The following EPHA6 variants were observed in gnomAD, a reference collection of about 807,000 sequenced individuals.
EPHA6 encodes the protein ephrin type-A receptor 6.
Under a neutral mutation model 112.0 loss-of-function variants are expected in EPHA6, and 50 were observed. The ratio of observed to expected loss-of-function variants is 0.45; its 90% confidence interval spans 0.36 to 0.56. EPHA6 has a LOEUF of 0.56. Among genes scored for constraint, EPHA6 ranks in the 20% least tolerant of loss-of-function variants. EPHA6 has a pLI of 0.00. For missense variants in EPHA6, 1,280 were observed against 1,417.4 expected (o/e 0.90, Z 1.56); for synonymous variants, 529 against 490.7 (o/e 1.08, Z -1.03).
intron 10 of EPHA6, among the ~76,000 whole-genome samples, chr3:97,493,488 G>A (rs1331452206): frequency 6.6e-6 from 1 of 152,092 alleles, no homozygotes; most frequent in African/African-American, 2.4e-5. Context: ...TAAGATCACA[G>A]TCTTTATCAG....
intron 5 of EPHA6, among the ~76,000 whole-genome samples, chr3:97,403,605 C>G (rs1253320745): frequency 6.6e-6 from 1 of 152,172 alleles, no homozygotes; most frequent in Non-Finnish European, 1.5e-5. Context: ...TGCCACCATG[C>G]CTGGCTAATT....
intron 11 of EPHA6, among the ~76,000 whole-genome samples, chr3:97,555,431 T>C (rs1009705461): frequency 9.2e-5 from 14 of 152,098 alleles, no homozygotes; most frequent in African/African-American, 2.9e-4. Flanking sequence ...TTATAGTCCT[T>C]TGGGTATATA....
chr3:97,683,122 A>G (rs892163958), intron 14 of EPHA6, among the ~76,000 whole-genome samples: 15 of 152,156 alleles, frequency 9.9e-5, no homozygotes, highest in Admixed American at 6.6e-4. Flanking sequence ...TCCTTTGAGA[A>G]TAAAAAGAGG....
At chr3:96,892,491 G>GGATT (rs1463791291) in intron 2 of EPHA6, among the ~76,000 whole-genome samples, 1 of 152,080 alleles carries the variant, frequency 6.6e-6, no homozygotes, top group African/African-American at 2.4e-5. Context: ...CAAAGTGCTG[G>GGATT]GATTACAGGC....
intron 5 of EPHA6, among the ~76,000 whole-genome samples, chr3:97,318,551 A>G (rs1278126142): frequency 6.6e-6 from 1 of 151,586 alleles, no homozygotes; most frequent in East Asian, 1.9e-4. Context: ...TCCTATTACC[A>G]CTCTTTTGCT....
intron 3 of EPHA6, among the ~76,000 whole-genome samples, chr3:97,119,841 C>G (rs2108300177): frequency 6.6e-6 from 1 of 152,088 alleles, no homozygotes; most frequent in South Asian, 2.1e-4. Context: ...TACTCTTCCT[C>G]TGCAGAAGCT....
chr3:97,636,237 C>T (rs1005189256), intron 13 of EPHA6, among the ~76,000 whole-genome samples: 1 of 151,958 alleles, frequency 6.6e-6, no homozygotes, highest in Non-Finnish European at 1.5e-5. Context: ...GGTAAAAAAG[C>T]CAACTTTTAA....
At chr3:97,717,337 A>T (rs1356142371) in intron 14 of EPHA6, among the ~76,000 whole-genome samples, 2 of 152,154 alleles carry the variant, frequency 1.3e-5, no homozygotes, top group African/African-American at 4.8e-5. Flanking sequence ...TGAAAAAAAA[A>T]ATTTTATAGT....
rs892717825 is a variant in EPHA6, at chr3:97,756,719, G to A, written c.*8018G>A. 5.3e-5 allele frequency among the ~76,000 whole-genome samples: 8 copies of A among 151,728 alleles called. No homozygotes were observed. Among genetic ancestry groups the A allele is most frequent in the African/African-American group, 1.9e-4 (8 of 41,386 alleles). On this transcript the variant is annotated 3_prime_UTR_variant, in exon 18 of 18. Transcript: ENST00000389672. Reference sequence around the variant, plus strand: ...GTAAAAAAAATCAAAATGTGAAATGGGAGCATTTTGGGGAGCGAGCAGGAC... The same window carrying A: ...GTAAAAAAAATCAAAATGTGAAATGAGAGCATTTTGGGGAGCGAGCAGGAC...
intron 12 of EPHA6, among the ~76,000 whole-genome samples, chr3:97,608,579 A>C (rs1158112852): frequency 6.6e-6 from 1 of 151,356 alleles, no homozygotes; most frequent in Non-Finnish European, 1.5e-5. Flanking sequence ...ACTATGAGAA[A>C]TATCACTGTG....
intron 3 of EPHA6, among the ~76,000 whole-genome samples, chr3:97,173,093 C>CT (rs2076743927): frequency 6.6e-6 from 1 of 151,880 alleles, no homozygotes; most frequent in East Asian, 1.9e-4. Flanking sequence ...ATATATTAAA[C>CT]TTTTTGAGAT....
intron 14 of EPHA6, among the ~76,000 whole-genome samples, chr3:97,676,438 A>G (rs985929359): frequency 6.6e-6 from 1 of 152,196 alleles, no homozygotes; most frequent in African/African-American, 2.4e-5. Context: ...GATTTGGTGA[A>G]GTAATAGAGA....
chr3:97,278,887 G>A (rs2080190963), intron 5 of EPHA6, among the ~76,000 whole-genome samples: 2 of 152,294 alleles, frequency 1.3e-5, no homozygotes, highest in East Asian at 3.9e-4. Context: ...TCTGAGGGCC[G>A]CTGACACACA....
At chr3:97,484,125 A>G in intron 10 of EPHA6, 66 bp downstream of exon 10, 2 of 1,459,606 alleles carry the variant, frequency 1.4e-6, no homozygotes, top group Non-Finnish European at 1.8e-6. Flanking sequence ...GTTTATCAAC[A>G]TACTATCTTA....
intron 6 of EPHA6, among the ~76,000 whole-genome samples, chr3:97,406,188 C>A (rs992847037): frequency 4.6e-5 from 7 of 152,026 alleles, no homozygotes; most frequent in Non-Finnish European, 1.0e-4. Context: ...AAATAGAGGG[C>A]AAGAGGAGAA....
intron 2 of EPHA6, among the ~76,000 whole-genome samples, chr3:96,979,794 A>C (rs1260031815): frequency 6.6e-6 from 1 of 152,136 alleles, no homozygotes; most frequent in Non-Finnish European, 1.5e-5. Flanking sequence ...CATTTCTCTG[A>C]TGGCCAGTGA....
At chr3:97,191,760 G>A (rs1272685795) in intron 3 of EPHA6, among the ~76,000 whole-genome samples, 1 of 152,114 alleles carries the variant, frequency 6.6e-6, no homozygotes, top group Non-Finnish European at 1.5e-5. Context: ...CTTCCAAATT[G>A]TGGAGTTTGC....
chr3:97,507,977 G>C (rs2092289393), intron 10 of EPHA6, among the ~76,000 whole-genome samples: 1 of 152,104 alleles, frequency 6.6e-6, no homozygotes, highest in African/African-American at 2.4e-5. Context: ...TCTGATGGTA[G>C]TTTGTATTCT....
At chr3:97,605,490 C>T (rs576267429) in intron 12 of EPHA6, among the ~76,000 whole-genome samples, 1 of 151,760 alleles carries the variant, frequency 6.6e-6, no homozygotes, top group African/African-American at 2.4e-5. Flanking sequence ...TATCCCAGCA[C>T]CATTTGTTGA....
Sources: gnomAD v4.1 joint callset for allele counts (sites outside exome capture counted in the v4.1 genomes callset) on GRCh38, gnomAD v4.1.1 for gene constraint, MANE v1.5 for transcripts, NCBI Gene and HGNC (gene_info 2026-07-23, HGNC 2026-07-21) for gene names.